EXOC4: variants seen among roughly 807,000 people sequenced by gnomAD.
EXOC4 encodes SEC8-like 1.
Under a neutral mutation model 107.2 loss-of-function variants are expected in EXOC4, and 71 were observed. That is an observed-to-expected ratio of 0.66 (90% confidence interval 0.55 to 0.81). EXOC4 has a LOEUF of 0.81. Among genes scored for constraint, EXOC4 ranks in the 30% least tolerant of loss-of-function variants. The pLI, the probability that EXOC4 is intolerant of heterozygous loss-of-function variation, is 0.00. For missense variants in EXOC4, 1,108 were observed against 1,189.6 expected, an observed-to-expected ratio of 0.93 and a Z score of 1.01; for synonymous variants, 456 against 441.2, an observed-to-expected ratio of 1.03 and a Z score of -0.42.
intron 10 of EXOC4, among the ~76,000 whole-genome samples, chr7:133,755,292 A>G: frequency 8.2e-6 from 1 of 121,934 alleles, no homozygotes; most frequent in South Asian, 2.4e-4. Context: ...TTATATACAT[A>G]TTATATATAT....
intron 5 of EXOC4, among the ~76,000 whole-genome samples, chr7:133,318,830 G>A (rs1183449840): frequency 2.0e-5 from 3 of 152,100 alleles, no homozygotes; most frequent in African/African-American, 7.2e-5. Flanking sequence ...TTAATTAGTA[G>A]CCAAGTTTTA....
chr7:133,861,641 C>T (rs1477181603), intron 11 of EXOC4, among the ~76,000 whole-genome samples: 1 of 152,064 alleles, frequency 6.6e-6, no homozygotes, highest in Non-Finnish European at 1.5e-5. Flanking sequence ...TTAAGTGATT[C>T]TCCTGCCTCA....
chr7:133,921,779 G>A (rs917733322), intron 13 of EXOC4, among the ~76,000 whole-genome samples: 2 of 152,048 alleles, frequency 1.3e-5, no homozygotes, highest in Non-Finnish European at 2.9e-5. Context: ...TATTTATTCT[G>A]TTGCTTTTTC....
intron 7 of EXOC4, among the ~76,000 whole-genome samples, chr7:133,420,913 G>C (rs1018000875): frequency 6.6e-6 from 1 of 150,554 alleles, no homozygotes; most frequent in African/African-American, 2.4e-5. Flanking sequence ...TTTCACTTTT[G>C]TAGTGCTGTT....
chr7:133,844,378 CTTTTTTTTTTT>C (rs761535651), intron 11 of EXOC4, among the ~76,000 whole-genome samples: 32 of 83,388 alleles, frequency 3.8e-4, no homozygotes, highest in Admixed American at 1.2e-3. Context: ...CCACATATTC[CTTTTTTTTTTT>C]TTTTTTTTTT....
At chr7:133,373,431 A>C (rs1404198855) in intron 6 of EXOC4, among the ~76,000 whole-genome samples, 1 of 152,168 alleles carries the variant, frequency 6.6e-6, no homozygotes, top group African/African-American at 2.4e-5. Flanking sequence ...GTACTACATA[A>C]ATTCTATTGA....
intron 9 of EXOC4, among the ~76,000 whole-genome samples, chr7:133,613,451 C>A (rs557346424): frequency 6.6e-6 from 1 of 152,080 alleles, no homozygotes; most frequent in Non-Finnish European, 1.5e-5. Flanking sequence ...AAATTTCATA[C>A]GGCAGTGAGA....
At chr7:134,043,799 G>C (rs554228287) in intron 17 of EXOC4, among the ~76,000 whole-genome samples, 1 of 152,190 alleles carries the variant, frequency 6.6e-6, no homozygotes, top group Non-Finnish European at 1.5e-5. Flanking sequence ...AGAAGGAAGT[G>C]TAAAGAGAGG....
At chr7:134,034,049 C>T (rs1300908685) in intron 17 of EXOC4, among the ~76,000 whole-genome samples, 1 of 150,740 alleles carries the variant, frequency 6.6e-6, no homozygotes, top group African/African-American at 2.4e-5. Context: ...GTAAATAAAC[C>T]ACAAAAATCA....
At position 133,528,927 on chromosome 7, in the gene EXOC4, G is replaced by C. The variant is rs79881976; in HGVS notation, c.1417+48789G>C. ...CTGCACCTCTGGCTCTAGGGACCCT[G>C]GAGTTTTGTATATGGATACCCTGCT... On this transcript the variant is annotated intron_variant, in intron 9 of 17. Transcript: ENST00000253861. 7.9e-5 allele frequency among the ~76,000 whole-genome samples: 12 copies of C among 152,212 alleles called. No homozygotes were observed. In the East Asian group the frequency reaches 1.5e-3, roughly 20 times the overall value.
chr7:133,258,752 G>A (rs1305850207), intron 1 of EXOC4, among the ~76,000 whole-genome samples: 1 of 152,122 alleles, frequency 6.6e-6, no homozygotes, highest in Non-Finnish European at 1.5e-5. Context: ...TTGTCAGGAT[G>A]TTGTCTTTGT....
chr7:133,914,751 C>G (rs532278713), intron 12 of EXOC4, among the ~76,000 whole-genome samples: 35 of 152,264 alleles, frequency 2.3e-4, no homozygotes, highest in African/African-American at 8.2e-4. Flanking sequence ...TGGGCAAATG[C>G]AAGATTCCTA....
At chr7:133,389,038 T>G (rs368243149) in intron 7 of EXOC4, among the ~76,000 whole-genome samples, 1 of 152,188 alleles carries the variant, frequency 6.6e-6, no homozygotes, top group East Asian at 1.9e-4. Flanking sequence ...ATAGGTATTA[T>G]GCATTTTTGG....
At chr7:133,978,166 G>A (rs575598014) in intron 14 of EXOC4, among the ~76,000 whole-genome samples, 13 of 152,130 alleles carry the variant, frequency 8.5e-5, no homozygotes, top group South Asian at 2.1e-4. Context: ...CATCCCTCCC[G>A]TTACATGTCA....
At chr7:133,896,048 T>C (rs747417057) in intron 12 of EXOC4, among the ~76,000 whole-genome samples, 3 of 152,224 alleles carry the variant, frequency 2.0e-5, no homozygotes, top group Non-Finnish European at 4.4e-5. Context: ...TTGGTTAGTC[T>C]ATCTTGTGGT....
At chr7:133,626,066 G>A (rs892084480) in intron 9 of EXOC4, among the ~76,000 whole-genome samples, 6 of 152,108 alleles carry the variant, frequency 3.9e-5, no homozygotes, top group African/African-American at 1.2e-4. Flanking sequence ...AATTAGCTAA[G>A]CATGTTGGTG....
chr7:133,973,071 T>C (rs1001364375), intron 14 of EXOC4, among the ~76,000 whole-genome samples: 74 of 152,330 alleles, frequency 4.9e-4, no homozygotes, highest in Admixed American at 2.6e-3. Context: ...ATTCAGGAAG[T>C]ATTTGTGGAT....
At chr7:133,632,147 G>A (rs914751912) in intron 10 of EXOC4, among the ~76,000 whole-genome samples, 1 of 152,004 alleles carries the variant, frequency 6.6e-6, no homozygotes, top group African/African-American at 2.4e-5. Context: ...GACTCTGGTG[G>A]AACTTAATGT....
At chr7:133,813,211 A>T (rs1297931372) in intron 10 of EXOC4, among the ~76,000 whole-genome samples, 1 of 152,210 alleles carries the variant, frequency 6.6e-6, no homozygotes, top group Admixed American at 6.5e-5. Context: ...TGCTCAGCAC[A>T]GTTCATATTT....
Sources: gnomAD v4.1 joint callset for allele counts (sites outside exome capture counted in the v4.1 genomes callset) on GRCh38, gnomAD v4.1.1 for gene constraint, MANE v1.5 for transcripts, NCBI Gene and HGNC (gene_info 2026-07-23, HGNC 2026-07-21) for gene names.